NPIPB2: variants seen among roughly 807,000 people sequenced by gnomAD.
NPIPB2 encodes nuclear pore complex interacting protein family member B2, also known as nuclear pore complex-interacting protein family member B2.
A neutral mutation model predicts 30.8 loss-of-function variants in NPIPB2; 27 were observed. That is an observed-to-expected ratio of 0.88 (90% confidence interval 0.65 to 1.21). The LOEUF (loss-of-function observed/expected upper bound fraction) is 1.21. Among genes scored for constraint, NPIPB2 ranks in the 50% most tolerant of loss-of-function variants. The probability of loss-of-function intolerance (pLI) is 0.00; values close to 1 mark genes in which losing one functional copy is unlikely to be tolerated. For missense variants in NPIPB2, 440 were observed against 446.2 expected (o/e 0.99, Z 0.13); for synonymous variants, 147 against 162.0 (o/e 0.91, Z 0.70).
intron 1 of NPIPB2, chr16:11,967,907 G>A (rs887346600): frequency 6.4e-7 from 1 of 1,564,508 alleles, no homozygotes; most frequent in Non-Finnish European, 8.7e-7. Flanking sequence ...TAGATGATGT[G>A]TCAGATCTCT....
exon 2 of NPIPB2, chr16:11,937,609 C>A: frequency 6.3e-7 from 1 of 1,599,422 alleles, no homozygotes; most frequent in Non-Finnish European, 8.5e-7. Context: ...TGATACGTAA[C>A]CAAGGACTTC....
intron 1 of NPIPB2, among the ~76,000 whole-genome samples, chr16:11,957,513 T>G (rs1405883446): frequency 1.3e-5 from 2 of 151,932 alleles, no homozygotes. Flanking sequence ...AGGCTGGTCT[T>G]GAACTCCTAA....
intron 1 of NPIPB2, among the ~76,000 whole-genome samples, chr16:11,940,877 G>A (rs1023085386): frequency 6.7e-6 from 1 of 148,638 alleles, no homozygotes; most frequent in African/African-American, 2.5e-5. Flanking sequence ...GGGCCATCTC[G>A]GCTCACTGCA....
intron 1 of NPIPB2, among the ~76,000 whole-genome samples, chr16:11,976,413 C>G (rs1475339127): frequency 1.3e-5 from 2 of 152,242 alleles, no homozygotes; most frequent in Non-Finnish European, 2.9e-5. Context: ...CCTGTGCCCA[C>G]GCTTTGTCCC....
intron 1 of NPIPB2, chr16:11,941,155 C>T: frequency 2.7e-6 from 4 of 1,501,470 alleles, no homozygotes; most frequent in Non-Finnish European, 3.6e-6. Flanking sequence ...CCCGCGGGTC[C>T]AGCGTCTACT....
upstream of NPIPB2, among the ~76,000 whole-genome samples, chr16:11,942,859 C>T (rs2054957673): frequency 6.6e-6 from 1 of 152,100 alleles, no homozygotes; most frequent in Non-Finnish European, 1.5e-5. Context: ...CAGAGTGTGC[C>T]CAAACTCACT....
At chr16:11,960,828 T>A (rs1222458723) in intron 1 of NPIPB2, among the ~76,000 whole-genome samples, 1 of 151,880 alleles carries the variant, frequency 6.6e-6, no homozygotes, top group African/African-American at 2.4e-5. Flanking sequence ...GGCTAAAATC[T>A]CTCCTTGCTT....
upstream of NPIPB2, among the ~76,000 whole-genome samples, chr16:11,946,939 C>T (rs2055016437): frequency 2.0e-5 from 3 of 151,214 alleles, no homozygotes; most frequent in South Asian, 2.1e-4. Flanking sequence ...AGGCTGATCT[C>T]GAACTCCTGA....
At chr16:11,972,502 G>C (rs1447848258) in intron 1 of NPIPB2, among the ~76,000 whole-genome samples, 1 of 152,072 alleles carries the variant, frequency 6.6e-6, no homozygotes, top group Non-Finnish European at 1.5e-5. Context: ...CTGAACCTGG[G>C]AGGCGGAGGT....
intron 1 of NPIPB2, chr16:11,941,029 C>G (rs2054931883): frequency 1.2e-6 from 1 of 867,016 alleles, no homozygotes; most frequent in Non-Finnish European, 1.6e-6. Context: ...CCTGGCTAGT[C>G]TTCAACTCCT....
intron 1 of NPIPB2, among the ~76,000 whole-genome samples, chr16:11,941,643 T>G (rs1371010219): frequency 2.0e-5 from 3 of 151,828 alleles, no homozygotes; most frequent in Non-Finnish European, 4.4e-5. Context: ...TTCTTCGGTC[T>G]GGGCCCTCCC....
At chr16:11,952,229 T>A (rs969940526) in intron 1 of NPIPB2, among the ~76,000 whole-genome samples, 33 of 149,138 alleles carry the variant, frequency 2.2e-4, no homozygotes, top group Admixed American at 1.7e-3. Flanking sequence ...GCGTCTGTAG[T>A]CCCAGCTACT....
Position 11,933,499 on chromosome 16 carries a change from T to C in NPIPB2, c.488+18A>G, listed in dbSNP as rs751272089. ...CACATGGTTCATACAACAATATTTG[T>C]GTCAAGGCACATCTTACTGTTTTTT... On this transcript the variant is annotated intron_variant, in intron 4 of 7. Coordinates refer to ENST00000399147, the Ensembl canonical transcript of NPIPB2. The C allele has an allele frequency of 1.4e-5, 23 of 1,596,710 alleles. No homozygotes were observed. In the Admixed American group the frequency reaches 1.7e-4, roughly 12 times the overall value.
chr16:11,943,513 C>G (rs2054967217), upstream of NPIPB2, among the ~76,000 whole-genome samples: 2 of 151,234 alleles, frequency 1.3e-5, no homozygotes, highest in African/African-American at 4.9e-5. Flanking sequence ...ACCAGACTGA[C>G]CAACATGGTG....
intron 1 of NPIPB2, among the ~76,000 whole-genome samples, chr16:11,957,444 C>A (rs1466895561): frequency 6.6e-6 from 1 of 151,832 alleles, no homozygotes; most frequent in African/African-American, 2.4e-5. Flanking sequence ...ACCTTGTGAA[C>A]CACCGTGCCC....
At chr16:11,965,264 A>G in intron 1 of NPIPB2, 1 of 1,599,714 alleles carries the variant, frequency 6.3e-7, no homozygotes, top group Non-Finnish European at 8.5e-7. Context: ...ATTCTTGTAG[A>G]GATATTACTT....
intron 1 of NPIPB2, among the ~76,000 whole-genome samples, chr16:11,950,001 C>G (rs1238923626): frequency 6.6e-6 from 1 of 152,164 alleles, no homozygotes; most frequent in Non-Finnish European, 1.5e-5. Flanking sequence ...TCTGCAACCA[C>G]ATAAGCCTTG....
chr16:11,936,916 C>G (rs1395864778), intron 2 of NPIPB2, among the ~76,000 whole-genome samples: 2 of 151,650 alleles, frequency 1.3e-5, no homozygotes, highest in Non-Finnish European at 2.9e-5. Flanking sequence ...TCCCTATGAC[C>G]TCAGAGGAAC....
At chr16:11,966,323 G>C (rs1408072839) in intron 1 of NPIPB2, 1 of 1,612,540 alleles carries the variant, frequency 6.2e-7, no homozygotes, top group Non-Finnish European at 8.5e-7. Flanking sequence ...ACCATTAAAG[G>C]ACGAGTTTAA....
Sources: gnomAD v4.1 joint callset for allele counts (sites outside exome capture counted in the v4.1 genomes callset) on GRCh38, gnomAD v4.1.1 for gene constraint, MANE v1.5 for transcripts, NCBI Gene and HGNC (gene_info 2026-07-23, HGNC 2026-07-21) for gene names.